TIGIT: variants seen among roughly 807,000 people sequenced by gnomAD.
TIGIT encodes the protein T cell immunoreceptor with Ig and ITIM domains.
TIGIT carries 11 observed loss-of-function variants against 19.6 expected under a neutral mutation model. That is an observed-to-expected ratio of 0.56 (90% CI 0.35 to 0.93). The LOEUF (loss-of-function observed/expected upper bound fraction) is 0.93. TIGIT is among the 40% of genes least tolerant of loss of function. The pLI is 0.01. For synonymous variants in TIGIT, 130 were observed against 125.5 expected (o/e 1.04, Z -0.24); for missense variants, 295 against 303.9 (o/e 0.97, Z 0.22).
rs2078561012 is a variant in TIGIT, at chr3:114,309,943, T to C, written c.*1812T>C. ...CAAAAGGGCCTATAGATGTTAGAAA[T>C]GGGTCAGGTTACTGAAATGGGATTC... On this transcript the variant is annotated 3_prime_UTR_variant, in exon 4 of 4. Transcript: ENST00000383671. 1 of 152,128 alleles carries C rather than the reference T, an allele frequency of 6.6e-6. No individual in the cohort carries two copies. Among genetic ancestry groups the C allele is most frequent in the African/African-American group, 2.4e-5 (1 of 41,426 alleles). The allele number at this position is 152,128 out of a possible 1,614,324, so 9.4% of individuals were successfully genotyped here. A position where few individuals can be genotyped will look rare whatever the true frequency, so the allele number is the denominator to read the frequency against.
At chr3:114,295,511 C>T in intron 1 of TIGIT, 34 bp from the exon 2 acceptor site, 1 of 1,563,054 alleles carries the variant, frequency 6.4e-7, no homozygotes, top group South Asian at 1.2e-5. Flanking sequence ...AGCTGCTGAC[C>T]CAGGACTCAC....
At chr3:114,305,920 G>T (rs755300010) in intron 3 of TIGIT, among the ~76,000 whole-genome samples, 15 of 150,350 alleles carry the variant, frequency 1.0e-4, no homozygotes, top group Non-Finnish European at 1.3e-4. Flanking sequence ...GGAGGGATTT[G>T]TTAGGGGAAT....
chr3:114,296,164 T>C, intron 2 of TIGIT: 1 of 336,202 alleles, frequency 3.0e-6, no homozygotes, highest in South Asian at 6.4e-5. Flanking sequence ...CTATATTTCC[T>C]AGGAAGACCA....
intron 3 of TIGIT, 196 bp from the exon 4 acceptor site, chr3:114,307,699 A>G (rs2078544653): frequency 1.7e-6 from 1 of 588,194 alleles, no homozygotes; most frequent in Non-Finnish European, 3.0e-6. Flanking sequence ...TAGTAAGTGC[A>G]GTTTCCATGG....
In TIGIT at chr3:114,294,109, T is replaced by G. The variant is rs770485125; in HGVS notation, c.48T>G (p.Ala16=). 1 of 1,554,290 alleles carries G rather than the reference T, an allele frequency of 6.4e-7. No homozygotes were observed. The highest frequency in any genetic ancestry group is 1.2e-5 in the South Asian group (1 of 84,324). ...TCTGGGCCCAGGGGCTGAGGCAGGC[T>G]CCCCTCGCCTCAGGTAAGGCCTGAA... ...LLIWAQGLRQ[A]PLASGMMTGT... Residue 16 remains alanine (A), a synonymous_variant, in exon 1 of 4, where the codon GCT becomes GCG. Coordinates refer to ENST00000383671, the MANE Select transcript of TIGIT (RefSeq NM_173799.4).
intron 3 of TIGIT, among the ~76,000 whole-genome samples, chr3:114,304,277 CTT>C (rs1560033974): frequency 2.0e-5 from 3 of 152,114 alleles, no homozygotes; most frequent in Non-Finnish European, 4.4e-5. Context: ...TAAAAAAACA[CTT>C]AAAATATAAA....
At chr3:114,306,344 C>T (rs982007839) in intron 3 of TIGIT, among the ~76,000 whole-genome samples, 4 of 152,180 alleles carry the variant, frequency 2.6e-5, no homozygotes, top group African/African-American at 9.7e-5. Flanking sequence ...CTCACAGACA[C>T]ACCCAAAATG....
intron 2 of TIGIT, among the ~76,000 whole-genome samples, chr3:114,297,135 A>T (rs1255640070): frequency 6.6e-6 from 1 of 151,996 alleles, no homozygotes; most frequent in Non-Finnish European, 1.5e-5. Context: ...ACCTCCAGTG[A>T]TCTGCCCGCC....
At chr3:114,302,417 T>C (rs895825220) in intron 3 of TIGIT, among the ~76,000 whole-genome samples, 3 of 152,206 alleles carry the variant, frequency 2.0e-5, no homozygotes, top group Non-Finnish European at 2.9e-5. Context: ...GCTTCAGCCT[T>C]CTCTCTTGTA....
intron 2 of TIGIT, among the ~76,000 whole-genome samples, chr3:114,298,674 G>C (rs941153577): frequency 2.0e-5 from 3 of 152,228 alleles, no homozygotes; most frequent in Non-Finnish European, 4.4e-5. Context: ...GGAGGAACAT[G>C]TTCTGGGGAA....
At chr3:114,294,744 G>A (rs973254213) in intron 1 of TIGIT, among the ~76,000 whole-genome samples, 1 of 152,182 alleles carries the variant, frequency 6.6e-6, no homozygotes, top group African/African-American at 2.4e-5. Flanking sequence ...GGGTGGTTAT[G>A]CCTGGGAGAA....
chr3:114,305,960 T>A (rs910325727), intron 3 of TIGIT, among the ~76,000 whole-genome samples: 4 of 151,910 alleles, frequency 2.6e-5, no homozygotes, highest in African/African-American at 9.7e-5. Context: ...GGCTGAGAAG[T>A]CTCACCACAG....
chr3:114,305,095 G>T (rs1210156517), intron 3 of TIGIT, among the ~76,000 whole-genome samples: 2 of 152,144 alleles, frequency 1.3e-5, no homozygotes, highest in East Asian at 3.9e-4. Context: ...CAGTCCATCG[G>T]TGCAATTTAG....
chr3:114,295,498 G>C, intron 1 of TIGIT, 47 bp from the exon 2 acceptor site: 1 of 1,518,860 alleles, frequency 6.6e-7, no homozygotes, highest in Non-Finnish European at 9.0e-7. Context: ...AAGGTTGAAG[G>C]CCAGCTGCTG....
At chr3:114,298,500 T>G (rs2078469323) in intron 2 of TIGIT, among the ~76,000 whole-genome samples, 1 of 152,178 alleles carries the variant, frequency 6.6e-6, no homozygotes. Flanking sequence ...TCATATATCC[T>G]TTCCTGGTTT....
intron 3 of TIGIT, among the ~76,000 whole-genome samples, chr3:114,301,760 C>T (rs1166164354): frequency 6.6e-6 from 1 of 152,230 alleles, no homozygotes; most frequent in Non-Finnish European, 1.5e-5. Flanking sequence ...CCAGCCCTCT[C>T]TGACATTTCC....
chr3:114,300,002 T>C (rs1245346645), intron 3 of TIGIT, among the ~76,000 whole-genome samples: 1 of 152,230 alleles, frequency 6.6e-6, no homozygotes, highest in East Asian at 1.9e-4. Context: ...TTAATTTATC[T>C]ACTATGATTT....
chr3:114,303,033 T>C (rs1252149334), intron 3 of TIGIT, among the ~76,000 whole-genome samples: 2 of 152,230 alleles, frequency 1.3e-5, no homozygotes, highest in East Asian at 3.8e-4. Context: ...ATGACTCTGT[T>C]CCAACAAACC....
At chr3:114,306,291 T>A (rs1235519131) in intron 3 of TIGIT, among the ~76,000 whole-genome samples, 4 of 152,132 alleles carry the variant, frequency 2.6e-5, no homozygotes, top group South Asian at 4.1e-4. Context: ...TCTTACCTAC[T>A]CACTTCACTC....
Sources: gnomAD v4.1 joint callset for allele counts (sites outside exome capture counted in the v4.1 genomes callset) on GRCh38, gnomAD v4.1.1 for gene constraint, MANE v1.5 for transcripts, NCBI Gene and HGNC (gene_info 2026-07-23, HGNC 2026-07-21) for gene names.